The following SGCD variants were observed in gnomAD, a reference collection of about 807,000 sequenced individuals.
SGCD encodes sarcoglycan delta, also known as delta-sarcoglycan.
Under a neutral mutation model 36.6 loss-of-function variants are expected in SGCD, and 18 were observed. The ratio of observed to expected loss-of-function variants is 0.49; its 90% CI spans 0.34 to 0.73. The LOEUF is 0.73. Among genes scored for constraint, SGCD ranks in the 30% least tolerant of loss-of-function variants. The pLI is 0.01. For synonymous variants in SGCD, 133 were observed against 130.6 expected (o/e 1.02, Z -0.12); for missense variants, 387 against 346.7 (o/e 1.12, Z -0.92).
At chr5:155,931,830 A>G (rs548672228) in intron 1 of SGCD, among the ~76,000 whole-genome samples, 6 of 152,320 alleles carry the variant, frequency 3.9e-5, no homozygotes, top group Admixed American at 2.6e-4. Context: ...AGTACCATGA[A>G]GTGGTAGCTT....
intron 3 of SGCD, among the ~76,000 whole-genome samples, chr5:156,142,408 C>G (rs897796443): frequency 1.3e-5 from 2 of 152,106 alleles, no homozygotes; most frequent in Non-Finnish European, 2.9e-5. Context: ...CATCTGAAAA[C>G]GTAGCAGCTT....
intron 1 of SGCD, among the ~76,000 whole-genome samples, chr5:156,328,339 T>G (rs1323357773): frequency 6.6e-6 from 1 of 152,208 alleles, no homozygotes; most frequent in Non-Finnish European, 1.5e-5. Context: ...CAACATTGGT[T>G]TTTTCCGAAC....
intron 3 of SGCD, among the ~76,000 whole-genome samples, chr5:156,306,889 AATC>A (rs1581232825): frequency 6.6e-6 from 1 of 152,284 alleles, no homozygotes; most frequent in Admixed American, 6.5e-5. Flanking sequence ...AAATTTTTAT[AATC>A]ATCATTTTCT....
chr5:155,816,823 G>A, the SGCD span, among the ~76,000 whole-genome samples: 1 of 152,112 alleles, frequency 6.6e-6, no homozygotes, highest in Admixed American at 6.5e-5. Flanking sequence ...ATGTCAGTTG[G>A]TGACTAAATG....
chr5:155,891,246 T>C (rs1323591070), intron 1 of SGCD, among the ~76,000 whole-genome samples: 2 of 152,204 alleles, frequency 1.3e-5, no homozygotes, highest in Non-Finnish European at 2.9e-5. Context: ...TTCTCATATA[T>C]GTGCCTTGTT....
intron 3 of SGCD, among the ~76,000 whole-genome samples, chr5:156,395,602 A>G (rs553291005): frequency 2.0e-5 from 3 of 152,270 alleles, no homozygotes; most frequent in East Asian, 1.9e-4. Flanking sequence ...ATCCATTTGT[A>G]TATTCAGTCT....
chr5:155,910,600 C>T (rs1488907751), intron 1 of SGCD, among the ~76,000 whole-genome samples: 1 of 152,040 alleles, frequency 6.6e-6, no homozygotes, highest in Non-Finnish European at 1.5e-5. Flanking sequence ...AAGCACAATA[C>T]TAGAATAGCA....
intron 3 of SGCD, among the ~76,000 whole-genome samples, chr5:156,282,673 T>C (rs1050380673): frequency 6.6e-6 from 1 of 152,210 alleles, no homozygotes; most frequent in Non-Finnish European, 1.5e-5. Context: ...TTTTTTCCTT[T>C]ACTCTGATTA....
chr5:156,748,518 T>A (rs1449411338), intron 7 of SGCD, among the ~76,000 whole-genome samples: 2 of 152,120 alleles, frequency 1.3e-5, no homozygotes, highest in Non-Finnish European at 2.9e-5. Context: ...GGAAAATAAA[T>A]TTTAAGGCAG....
Position 156,585,897 on chromosome 5 carries a change from T to A in SGCD, c.295-3334T>A, listed in dbSNP as rs1581211153. On this transcript the variant is annotated intron_variant, in intron 4 of 8. Transcript: ENST00000337851. Reference sequence around the variant, plus strand: ...CTTTGTATTTTATCATAGTTTTATATGTACCATAAAACTGTGAAGCAAGTA... The same window carrying A: ...CTTTGTATTTTATCATAGTTTTATAAGTACCATAAAACTGTGAAGCAAGTA... Among the ~76,000 whole-genome samples, 5 of 152,294 alleles carry A rather than the reference T, an allele frequency of 3.3e-5. No homozygotes were observed. The South Asian group carries it at 1.0e-3, about 32-fold the overall frequency.
chr5:155,791,829 C>T, the SGCD span, among the ~76,000 whole-genome samples: 2 of 152,154 alleles, frequency 1.3e-5, no homozygotes, highest in African/African-American at 4.8e-5. Context: ...AATGGCCATA[C>T]TGCCCATAGC....
At chr5:156,346,928 G>C (rs955685344) in intron 3 of SGCD, among the ~76,000 whole-genome samples, 1 of 151,994 alleles carries the variant, frequency 6.6e-6, no homozygotes. Context: ...CTCCCGAGTA[G>C]CTGGGACTAC....
intron 1 of SGCD, among the ~76,000 whole-genome samples, chr5:156,095,452 A>G (rs767744852): frequency 2.0e-5 from 3 of 152,314 alleles, no homozygotes; most frequent in Middle Eastern, 6.8e-3. Context: ...AGATATTTTT[A>G]ACCTTCTGCT....
chr5:155,853,199 G>C, the SGCD span, among the ~76,000 whole-genome samples: 2 of 149,792 alleles, frequency 1.3e-5, no homozygotes, highest in African/African-American at 5.1e-5. Flanking sequence ...TTTAACAGTT[G>C]ATTGTTAGCA....
the SGCD span, among the ~76,000 whole-genome samples, chr5:155,734,044 C>CTTTAT: frequency 6.8e-6 from 1 of 147,688 alleles, no homozygotes; most frequent in South Asian, 2.1e-4. Flanking sequence ...CAGATTCTCT[C>CTTTAT]TTTATTTTAT....
intron 1 of SGCD, among the ~76,000 whole-genome samples, chr5:156,077,438 C>T (rs115594562): frequency 1.3e-3 from 194 of 152,156 alleles, no homozygotes; most frequent in African/African-American, 4.2e-3. Context: ...GGCCCAAATC[C>T]CAGGGAATAT....
At chr5:156,078,733 C>T (rs1470554929) in intron 1 of SGCD, among the ~76,000 whole-genome samples, 1 of 149,790 alleles carries the variant, frequency 6.7e-6, no homozygotes, top group East Asian at 1.9e-4. Flanking sequence ...ATACTTTGCT[C>T]AGTTTTCCTT....
At chr5:155,967,272 C>T (rs982522491) in intron 1 of SGCD, among the ~76,000 whole-genome samples, 5 of 151,888 alleles carry the variant, frequency 3.3e-5, no homozygotes, top group African/African-American at 1.2e-4. Flanking sequence ...TCATCTTGAG[C>T]CCTCAGTTTA....
the SGCD span, among the ~76,000 whole-genome samples, chr5:155,789,554 T>C: frequency 4.6e-5 from 7 of 152,066 alleles, no homozygotes; most frequent in African/African-American, 1.7e-4. Flanking sequence ...TACATGAAAA[T>C]AATTTGTAAT....
Sources: allele counts gnomAD v4.1 joint callset (sites outside exome capture counted in the v4.1 genomes callset), GRCh38; gene constraint gnomAD v4.1.1; transcripts MANE v1.5; gene names NCBI Gene and HGNC (gene_info 2026-07-23, HGNC 2026-07-21).